The following SLCO1A2 variants were observed in gnomAD, a reference collection of about 807,000 sequenced individuals.
SLCO1A2 encodes the protein OATP-1.
A neutral mutation model predicts 69.0 loss-of-function variants in SLCO1A2; 67 were observed. That is an observed-to-expected ratio of 0.97 (90% CI 0.80 to 1.19). The LOEUF (loss-of-function observed/expected upper bound fraction) is 1.19. SLCO1A2 is among the 50% of genes most tolerant of loss of function. The pLI, the probability that SLCO1A2 is intolerant of heterozygous loss-of-function variation, is 0.00. For missense variants in SLCO1A2, 787 were observed against 793.7 expected (o/e 0.99, Z 0.10); for synonymous variants, 260 against 265.9 (o/e 0.98, Z 0.22).
intron 12 of SLCO1A2, 92 bp from the exon 13 acceptor site, chr12:21,275,516 A>C (rs1943660921): frequency 8.2e-7 from 1 of 1,220,892 alleles, no homozygotes; most frequent in Non-Finnish European, 1.1e-6. Context: ...CTAGTCACAC[A>C]TAATGAACAT....
chr12:21,343,529 G>T (rs1953144046), intron 2 of SLCO1A2, among the ~76,000 whole-genome samples: 1 of 152,086 alleles, frequency 6.6e-6, no homozygotes, highest in African/African-American at 2.4e-5. Context: ...CAAGTGGGCT[G>T]TTCTTAGTAG....
upstream of SLCO1A2, among the ~76,000 whole-genome samples, chr12:21,395,859 A>G (rs975838602): frequency 4.9e-4 from 74 of 152,000 alleles, no homozygotes; most frequent in Admixed American, 8.5e-4. Flanking sequence ...CATCCACACC[A>G]AAAACCCATC....
rs1315189040 is a variant in SLCO1A2, at chr12:21,329,960, C to A, written c.60+4628G>T. Among the ~76,000 whole-genome samples, 5 of 151,746 alleles carry A rather than the reference C, an allele frequency of 3.3e-5. No individual in the cohort carries two copies. The East Asian group carries it at 9.7e-4, about 29-fold the overall frequency. ...GATTAAATTTACCAGATTAGTCTTA[C>A]CCAAAACTACTAAGGTCATATGAAT... On this transcript the variant is annotated intron_variant, in intron 2 of 14. Transcript: ENST00000683939.
chr12:21,307,743 T>C (rs1331217638), intron 4 of SLCO1A2, among the ~76,000 whole-genome samples: 2 of 152,104 alleles, frequency 1.3e-5, no homozygotes, highest in African/African-American at 4.8e-5. Flanking sequence ...GCTGGATTGT[T>C]TTCTGTATTT....
chr12:21,414,022 A>C (rs955398033), intron 1 of SLCO1A2, among the ~76,000 whole-genome samples: 3 of 152,294 alleles, frequency 2.0e-5, no homozygotes, highest in African/African-American at 7.2e-5. Flanking sequence ...TTAGTTACCT[A>C]TAGATTTAGG....
chr12:21,299,929 CCTCT>C (rs199877480), intron 8 of SLCO1A2, among the ~76,000 whole-genome samples: 6,179 of 136,542 alleles, frequency 0.045, 499 homozygotes, highest in East Asian at 0.36. Flanking sequence ...TATACATGAC[CCTCT>C]CTCTCCTCTC....
chr12:21,304,677 C>G (rs1243245604), intron 5 of SLCO1A2, 104 bp from the exon 6 acceptor site: 5 of 1,062,808 alleles, frequency 4.7e-6, no homozygotes, highest in Non-Finnish European at 6.8e-6. Context: ...ATGACCATGG[C>G]CCCTTGTCAA....
chr12:21,414,269 C>A (rs978812766), intron 1 of SLCO1A2, among the ~76,000 whole-genome samples: 1 of 139,680 alleles, frequency 7.2e-6, no homozygotes, highest in East Asian at 2.2e-4. Context: ...TGAGCCACTG[C>A]GTCCAGCCTC....
At chr12:21,330,938 G>T (rs1168952499) in intron 2 of SLCO1A2, among the ~76,000 whole-genome samples, 1 of 151,966 alleles carries the variant, frequency 6.6e-6, no homozygotes, top group Admixed American at 6.6e-5. Context: ...TTTCTTGAAC[G>T]AGTCATTTTA....
chr12:21,340,317 G>A (rs1943268271), intron 2 of SLCO1A2, among the ~76,000 whole-genome samples: 1 of 151,938 alleles, frequency 6.6e-6, no homozygotes, highest in Non-Finnish European at 1.5e-5. Flanking sequence ...TGTGTGTGGG[G>A]AAAATGTCCA....
At chr12:21,292,079 T>C (rs1278659314) in intron 12 of SLCO1A2, 85 bp downstream of exon 12, 12 of 883,388 alleles carry the variant, frequency 1.4e-5, no homozygotes, top group Non-Finnish European at 1.8e-5. Flanking sequence ...AGTTCTTAGA[T>C]ACTGAGTCCT....
chr12:21,329,884 A>C (rs1031796453), intron 2 of SLCO1A2, among the ~76,000 whole-genome samples: 9 of 151,226 alleles, frequency 6.0e-5, no homozygotes, highest in African/African-American at 2.2e-4. Context: ...GGAGTTATTT[A>C]ATTTAACATA....
intron 12 of SLCO1A2, among the ~76,000 whole-genome samples, chr12:21,283,543 G>C (rs1945193786): frequency 6.7e-6 from 1 of 150,220 alleles, no homozygotes; most frequent in Non-Finnish European, 1.5e-5. Flanking sequence ...CACAGGCACA[G>C]ATAACTAATG....
intron 1 of SLCO1A2, among the ~76,000 whole-genome samples, chr12:21,413,814 G>A (rs897384509): frequency 6.6e-6 from 1 of 152,230 alleles, no homozygotes; most frequent in Middle Eastern, 3.4e-3. Context: ...GGTAACAGAG[G>A]CGGCTGTTTG....
At chr12:21,318,613 TG>T (rs1951189439) in intron 3 of SLCO1A2, among the ~76,000 whole-genome samples, 168 bp downstream of exon 3, 1 of 152,224 alleles carries the variant, frequency 6.6e-6, no homozygotes. Context: ...AATATTTAAA[TG>T]AATTATTTCC....
intron 3 of SLCO1A2, among the ~76,000 whole-genome samples, chr12:21,317,202 G>A (rs1950986892): frequency 6.6e-6 from 1 of 151,992 alleles, no homozygotes; most frequent in Non-Finnish European, 1.5e-5. Flanking sequence ...CCCTCACCTA[G>A]AAAATTAAAA....
intron 1 of SLCO1A2, among the ~76,000 whole-genome samples, chr12:21,412,830 A>G (rs1941929538): frequency 6.6e-6 from 1 of 152,162 alleles, no homozygotes; most frequent in African/African-American, 2.4e-5. Flanking sequence ...ATAAGGATAT[A>G]GATAAAAATG....
chr12:21,393,417 A>G (rs1941258600), intron 1 of SLCO1A2, among the ~76,000 whole-genome samples: 1 of 152,200 alleles, frequency 6.6e-6, no homozygotes, highest in Non-Finnish European at 1.5e-5. Context: ...ATGCATAATA[A>G]GAAACAACCA....
chr12:21,338,162 G>A (rs1952950626), upstream of SLCO1A2, among the ~76,000 whole-genome samples: 1 of 151,914 alleles, frequency 6.6e-6, no homozygotes, highest in Non-Finnish European at 1.5e-5. Flanking sequence ...AGATAATCAT[G>A]TGGCTAACCA....
Sources: allele counts gnomAD v4.1 joint callset (sites outside exome capture counted in the v4.1 genomes callset), GRCh38; gene constraint gnomAD v4.1.1; transcripts MANE v1.5; gene names NCBI Gene and HGNC (gene_info 2026-07-23, HGNC 2026-07-21).